The following SPTSSA variants were observed in gnomAD, a reference collection of about 807,000 sequenced individuals.
The protein encoded by SPTSSA is small subunit of serine palmitoyltransferase A.
A neutral mutation model predicts 9.1 loss-of-function variants in SPTSSA; 8 were observed. The observed-to-expected ratio is 0.88, with a 90% CI of 0.51 to 1.58. SPTSSA has a LOEUF of 1.58. Ranked by LOEUF, SPTSSA falls within the 40% of genes most tolerant of loss-of-function variation. The pLI, the probability that SPTSSA is intolerant of heterozygous loss-of-function variation, is 0.00. For missense variants in SPTSSA, 100 were observed against 93.8 expected, an observed-to-expected ratio of 1.07 and a Z score of -0.27; for synonymous variants, 42 against 37.7, an observed-to-expected ratio of 1.11 and a Z score of -0.41.
intron 1 of SPTSSA, among the ~76,000 whole-genome samples, chr14:34,449,238 A>G (rs2138827640): frequency 6.6e-6 from 1 of 151,896 alleles, no homozygotes. Flanking sequence ...CTCTACAAAA[A>G]CAAACAATTA....
At chr14:34,451,449 C>T (rs1163976700) in intron 1 of SPTSSA, among the ~76,000 whole-genome samples, 1 of 152,180 alleles carries the variant, frequency 6.6e-6, no homozygotes, top group East Asian at 1.9e-4. Flanking sequence ...CTAGGCTGGG[C>T]GCGGTAGCTC....
intron 1 of SPTSSA, among the ~76,000 whole-genome samples, chr14:34,442,983 T>TGTGTGTGTGTGAGA (rs750212266): frequency 1.3e-4 from 19 of 148,338 alleles, no homozygotes; most frequent in African/African-American, 4.5e-4. Flanking sequence ...TGTGTGTGTG[T>TGTGTGTGTGTGAGA]GAGATGGAGT....
At position 34,434,484 on chromosome 14, in the gene SPTSSA, C is replaced by CT. The variant is rs1325499272; in HGVS notation, c.*716dup. 1.3e-5 allele frequency: 2 copies of CT among 152,692 alleles called. No homozygotes were observed. The highest frequency in any genetic ancestry group is 3.9e-4 in the East Asian group (2 of 5,186). 9.5% of individuals were successfully genotyped at this position (152,692 alleles called of 1,614,324 possible). A position where few individuals can be genotyped will look rare whatever the true frequency, so the allele number is the denominator to read the frequency against. ...TTACATAATAATGCTACTTAACCACCTTTTGTCTCAAGAATTATCACCAAA... is the reference window on the plus strand; with the variant it reads ...TTACATAATAATGCTACTTAACCACCTTTTTGTCTCAAGAATTATCACCAAA... On this transcript the variant is annotated 3_prime_UTR_variant, in exon 2 of 2. Transcript: ENST00000298130.
intron 1 of SPTSSA, among the ~76,000 whole-genome samples, chr14:34,444,713 T>C (rs1176069185): frequency 6.6e-6 from 1 of 151,160 alleles, no homozygotes; most frequent in East Asian, 2.0e-4. Flanking sequence ...GATCGCACCA[T>C]TGTACTCCAG....
chr14:34,436,075 G>C (rs1883237514), intron 1 of SPTSSA, among the ~76,000 whole-genome samples: 1 of 152,164 alleles, frequency 6.6e-6, no homozygotes, highest in South Asian at 2.1e-4. Context: ...AATTAGACTA[G>C]AATGTGGCTA....
At chr14:34,450,854 G>A (rs1883507634) in intron 1 of SPTSSA, among the ~76,000 whole-genome samples, 1 of 152,136 alleles carries the variant, frequency 6.6e-6, no homozygotes, top group Non-Finnish European at 1.5e-5. Context: ...TGAACAATCA[G>A]AGGTTATTCA....
rs1233052336 is a variant in SPTSSA at position 34,434,061 on chromosome 14, C to T, written c.*1140G>A. The T allele has an allele frequency of 6.6e-6, 1 of 151,116 alleles. No homozygotes were observed. Among genetic ancestry groups the T allele is most frequent in the Non-Finnish European group, 1.5e-5 (1 of 67,910 alleles). 9.4% of individuals were successfully genotyped at this position (151,116 alleles called of 1,614,324 possible). ...ATGTTGCAAAACATATAGGATAAGA[C>T]ATACTTACTGCTTATCTGGTCCTCC... On this transcript the variant is annotated 3_prime_UTR_variant, in exon 2 of 2. Coordinates refer to ENST00000298130, the MANE Select transcript of SPTSSA (RefSeq NM_138288.4).
Position 34,460,276 on chromosome 14 carries a change from GA to G in SPTSSA, c.112+1819del, listed in dbSNP as rs1878589489. ...TTCAATAACGTGAAATTTGAAATAA[GA>G]TTTTTTTATCTTAAGTTTAAAATCA... On this transcript the variant is annotated intron_variant, in intron 1 of 1. Coordinates refer to ENST00000298130, the MANE Select transcript of SPTSSA (RefSeq NM_138288.4). Among the ~76,000 whole-genome samples, 3 of 152,118 alleles carry G rather than the reference GA, an allele frequency of 2.0e-5. No individual in the cohort carries two copies. The South Asian group carries it at 6.2e-4, about 32-fold the overall frequency.
Position 34,433,418 on chromosome 14 carries a change from T to A in SPTSSA, c.*1783A>T, listed in dbSNP as rs1224324047. Reference sequence around the variant, plus strand: ...GGGGGATAGTAGAGGAAAGCCAAATTTGGGCATTAATAGAACAAATCTTAT... The same window carrying A: ...GGGGGATAGTAGAGGAAAGCCAAATATGGGCATTAATAGAACAAATCTTAT... On this transcript the variant is annotated 3_prime_UTR_variant, in exon 2 of 2. Transcript: ENST00000298130. 6.6e-6 allele frequency: 1 copy of A among 152,084 alleles called. No individual in the cohort carries two copies. Among genetic ancestry groups the A allele is most frequent in the African/African-American group, 2.4e-5 (1 of 41,412 alleles). 9.4% of individuals were successfully genotyped at this position (152,084 alleles called of 1,614,324 possible).
rs1241674493 is a variant in SPTSSA at position 34,443,196 on chromosome 14, GGGGTGTGT to G, written c.113-7900_113-7893del. Among the ~76,000 whole-genome samples the G allele has an allele frequency of 2.7e-3, 46 of 16,790 alleles. 9 individuals are homozygous for G. Among genetic ancestry groups the G allele is most frequent in the Admixed American group, 4.4e-3 (6 of 1,378 alleles). The allele number at this position is 16,790 out of a possible 152,430, so 11.0% of individuals were successfully genotyped here. A position where few individuals can be genotyped will look rare whatever the true frequency, so the allele number is the denominator to read the frequency against. On this transcript the variant is annotated intron_variant, in intron 1 of 1. Coordinates refer to ENST00000298130, the MANE Select transcript of SPTSSA (RefSeq NM_138288.4). ...GTTTTGAGATTGAGTTTTCCTCTAGGGGGTGTGTGTGTGTGTGTGTGTGTGTGTGTGTG... is the reference window on the plus strand; with the variant it reads ...GTTTTGAGATTGAGTTTTCCTCTAGGGTGTGTGTGTGTGTGTGTGTGTGTG...
chr14:34,451,241 C>T (rs181589322), intron 1 of SPTSSA, among the ~76,000 whole-genome samples: 24 of 152,128 alleles, frequency 1.6e-4, no homozygotes, highest in African/African-American at 4.8e-4. Context: ...AGTTTCTCAC[C>T]GGGAAAAGGT....
intron 1 of SPTSSA, among the ~76,000 whole-genome samples, chr14:34,444,628 T>C (rs570433606): frequency 6.6e-6 from 1 of 151,998 alleles, no homozygotes; most frequent in East Asian, 1.9e-4. Flanking sequence ...GGCAGGCACC[T>C]GTAACCCCAG....
chr14:34,440,883 CA>C lies in SPTSSA; in HGVS notation c.113-5580del, dbSNP rs369501743. On this transcript the variant is annotated intron_variant, in intron 1 of 1. Transcript: ENST00000298130. ...GCAACAAGAACAAAAATCCATCTCA[CA>C]AAAAAAAAAAAGTAAAAAAAGAATC... Among the ~76,000 whole-genome samples, 1,036 of 132,916 alleles carry C rather than the reference CA, an allele frequency of 7.8e-3. 4 individuals are homozygous for C. Among genetic ancestry groups the C allele is most frequent in the Middle Eastern group, 0.022 (6 of 268 alleles). 87.2% of individuals were successfully genotyped at this position (132,916 alleles called of 152,430 possible). A position where few individuals can be genotyped will look rare whatever the true frequency, so the allele number is the denominator to read the frequency against.
At chr14:34,446,365 CT>C (rs759354350) in intron 1 of SPTSSA, among the ~76,000 whole-genome samples, 3 of 152,174 alleles carry the variant, frequency 2.0e-5, no homozygotes, top group African/African-American at 4.8e-5. Flanking sequence ...TATCATGAAA[CT>C]CTTATCTTTG....
rs111427995 is a variant in SPTSSA at position 34,438,528 on chromosome 14, G to A, written c.113-3224C>T. On this transcript the variant is annotated intron_variant, in intron 1 of 1. Coordinates refer to ENST00000298130, the MANE Select transcript of SPTSSA (RefSeq NM_138288.4). Reference sequence around the variant, plus strand: ...CAGACAGATATTTCTACCTACTTACGGTACATTTCCATCTATGACATTCAA... The same window carrying A: ...CAGACAGATATTTCTACCTACTTACAGTACATTTCCATCTATGACATTCAA... Among the ~76,000 whole-genome samples, 846 of 151,994 alleles carry A rather than the reference G, an allele frequency of 5.6e-3. 7 individuals carry two copies. Among genetic ancestry groups the A allele is most frequent in the African/African-American group, 0.019 (784 of 41,446 alleles).
At chr14:34,449,268 G>A (rs1883476429) in intron 1 of SPTSSA, among the ~76,000 whole-genome samples, 1 of 151,940 alleles carries the variant, frequency 6.6e-6, no homozygotes, top group Non-Finnish European at 1.5e-5. Context: ...GGTGATATAT[G>A]CCTGTAGTCC....
intron 1 of SPTSSA, among the ~76,000 whole-genome samples, chr14:34,451,548 C>T (rs1428447553): frequency 6.6e-6 from 1 of 151,698 alleles, no homozygotes; most frequent in African/African-American, 2.4e-5. Flanking sequence ...ACGGTGAAAC[C>T]CCGTCTCTAC....
chr14:34,445,527 A>T (rs1229913433), intron 1 of SPTSSA, among the ~76,000 whole-genome samples: 1 of 151,602 alleles, frequency 6.6e-6, no homozygotes, highest in Admixed American at 6.6e-5. Context: ...AAAATAAAAT[A>T]AAATTTCTGA....
In SPTSSA at chr14:34,433,622, A is replaced by T. The variant is rs1178875357; in HGVS notation, c.*1579T>A. 6.6e-6 allele frequency: 1 copy of T among 152,142 alleles called. No homozygotes were observed. The highest frequency in any genetic ancestry group is 1.5e-5 in the Non-Finnish European group (1 of 68,034). The allele number at this position is 152,142 out of a possible 1,614,324, so 9.4% of individuals were successfully genotyped here. ...CATATATATTACTTGAGACCTCTAG[A>T]CTATAAAATACTTCAAAAGTCTAGT... is the stretch of plus-strand genomic sequence containing the variant. On this transcript the variant is annotated 3_prime_UTR_variant, in exon 2 of 2. Transcript: ENST00000298130.
Sources: gnomAD v4.1 joint callset for allele counts (sites outside exome capture counted in the v4.1 genomes callset) on GRCh38, gnomAD v4.1.1 for gene constraint, MANE v1.5 for transcripts, NCBI Gene and HGNC (gene_info 2026-07-23, HGNC 2026-07-21) for gene names.